GNA14: variants seen among roughly 807,000 people sequenced by gnomAD.
The protein encoded by GNA14 is G protein subunit alpha 14, also known as guanine nucleotide-binding protein subunit alpha-14.
Under a neutral mutation model 42.0 loss-of-function variants are expected in GNA14, and 50 were observed. The ratio of observed to expected loss-of-function variants is 1.19; its 90% CI spans 0.95 to 1.51. The LOEUF (loss-of-function observed/expected upper bound fraction) is 1.51. Among genes scored for constraint, GNA14 ranks in the 40% most tolerant of loss-of-function variants. The pLI is 0.00. For synonymous variants in GNA14, 173 were observed against 163.1 expected (o/e 1.06, Z -0.46); for missense variants, 473 against 446.2 (o/e 1.06, Z -0.54).
At chr9:77,629,562 A>G (rs1375343078) in intron 1 of GNA14, among the ~76,000 whole-genome samples, 1 of 152,216 alleles carries the variant, frequency 6.6e-6, no homozygotes, top group Non-Finnish European at 1.5e-5. Context: ...AAAAAGGATC[A>G]GTTTATGTCC....
chr9:77,528,655 G>A (rs1837478369), intron 2 of GNA14, among the ~76,000 whole-genome samples: 1 of 152,196 alleles, frequency 6.6e-6, no homozygotes. Flanking sequence ...AATTCTCTGA[G>A]TAGTCTGCAG....
At chr9:77,581,946 A>T (rs750825206) in intron 1 of GNA14, among the ~76,000 whole-genome samples, 1 of 152,220 alleles carries the variant, frequency 6.6e-6, no homozygotes, top group African/African-American at 2.4e-5. Flanking sequence ...GAAGCTTCCT[A>T]TTCTCAACTC....
chr9:77,643,761 A>T (rs957305294), intron 1 of GNA14, among the ~76,000 whole-genome samples: 4 of 152,194 alleles, frequency 2.6e-5, no homozygotes, highest in Non-Finnish European at 5.9e-5. Context: ...AAAGTAAAAC[A>T]TTTCTGTTAA....
intron 1 of GNA14, among the ~76,000 whole-genome samples, chr9:77,563,035 A>G (rs1822908226): frequency 6.6e-6 from 1 of 152,154 alleles, no homozygotes; most frequent in South Asian, 2.1e-4. Context: ...CAGCAACTTT[A>G]GAGTCTGTAT....
At chr9:77,435,915 C>A (rs977311864) in intron 2 of GNA14, among the ~76,000 whole-genome samples, 3 of 152,176 alleles carry the variant, frequency 2.0e-5, no homozygotes, top group South Asian at 2.1e-4. Flanking sequence ...CTGCATCCCA[C>A]AGCAGTTACA....
chr9:77,444,307 G>A (rs1248342736), intron 2 of GNA14, among the ~76,000 whole-genome samples: 2 of 152,156 alleles, frequency 1.3e-5, no homozygotes, highest in Non-Finnish European at 2.9e-5. Context: ...AACCTCACAG[G>A]TGCCCTCAGC....
chr9:77,646,432 G>T (rs1564074982), intron 1 of GNA14, among the ~76,000 whole-genome samples: 1 of 148,202 alleles, frequency 6.7e-6, no homozygotes, highest in East Asian at 1.9e-4. Context: ...GTGGGGAGGG[G>T]CACACCCCCC....
At chr9:77,624,593 T>A (rs904207559) in intron 1 of GNA14, among the ~76,000 whole-genome samples, 25 of 152,284 alleles carry the variant, frequency 1.6e-4, no homozygotes, top group African/African-American at 6.0e-4. Flanking sequence ...CAATCTTTGA[T>A]GTTCTGCCGC....
intron 2 of GNA14, chr9:77,526,758 G>C (rs7030947): frequency 2.6e-5 from 4 of 152,086 alleles, no homozygotes; most frequent in African/African-American, 9.6e-5. Flanking sequence ...TTCTGTCTTA[G>C]GCCATCCAAT....
chr9:77,605,831 AAATT>A (rs1225171248), intron 1 of GNA14, among the ~76,000 whole-genome samples: 2 of 152,246 alleles, frequency 1.3e-5, no homozygotes, highest in East Asian at 3.8e-4. Context: ...CCTCAGCTTG[AAATT>A]ATGAAGTTGA....
At chr9:77,467,467 G>T (rs1836256225) in intron 2 of GNA14, among the ~76,000 whole-genome samples, 1 of 150,662 alleles carries the variant, frequency 6.6e-6, no homozygotes, top group African/African-American at 2.4e-5. Flanking sequence ...TCTCAGGAAG[G>T]GTATTCTGGG....
At chr9:77,555,342 C>T (rs970674377) in intron 1 of GNA14, among the ~76,000 whole-genome samples, 7 of 152,020 alleles carry the variant, frequency 4.6e-5, no homozygotes, top group Admixed American at 6.5e-5. Context: ...TCGGTCTCTA[C>T]CAAAAGTACA....
chr9:77,526,872 G>A (rs1189389087), intron 2 of GNA14, among the ~76,000 whole-genome samples: 6 of 152,170 alleles, frequency 3.9e-5, no homozygotes, highest in Admixed American at 3.9e-4. Flanking sequence ...AGGAGACAGT[G>A]GTAGATGTCA....
intron 1 of GNA14, among the ~76,000 whole-genome samples, chr9:77,633,696 T>C (rs1824134609): frequency 6.6e-6 from 1 of 151,594 alleles, no homozygotes; most frequent in Non-Finnish European, 1.5e-5. Context: ...GGGGTAGATT[T>C]TGGTGAGCTG....
intron 2 of GNA14, among the ~76,000 whole-genome samples, chr9:77,519,716 C>T (rs1406844770): frequency 6.6e-6 from 1 of 152,036 alleles, no homozygotes; most frequent in Non-Finnish European, 1.5e-5. Flanking sequence ...GTGATGGTTA[C>T]ACTGAAAGCC....
At chr9:77,609,343 T>C (rs1823693064) in intron 1 of GNA14, among the ~76,000 whole-genome samples, 1 of 152,184 alleles carries the variant, frequency 6.6e-6, no homozygotes, top group Non-Finnish European at 1.5e-5. Context: ...TCTACCAGCA[T>C]TGCATTCATG....
intron 3 of GNA14, among the ~76,000 whole-genome samples, chr9:77,432,723 G>A (rs1835577623): frequency 6.6e-6 from 1 of 152,156 alleles, no homozygotes; most frequent in South Asian, 2.1e-4. Flanking sequence ...CCATGTCAGT[G>A]GCCTTGCCCC....
At chr9:77,643,237 G>C (rs1824296505) in intron 1 of GNA14, among the ~76,000 whole-genome samples, 1 of 148,218 alleles carries the variant, frequency 6.7e-6, no homozygotes, top group Non-Finnish European at 1.5e-5. Context: ...GGAAGGTGTT[G>C]TCATTTTTTT....
intron 2 of GNA14, among the ~76,000 whole-genome samples, chr9:77,447,127 T>C (rs1835832890): frequency 6.6e-6 from 1 of 151,916 alleles, no homozygotes; most frequent in Admixed American, 6.6e-5. Context: ...CCACGCCGAG[T>C]AGAGATGGGG....
Sources: allele counts gnomAD v4.1 joint callset (sites outside exome capture counted in the v4.1 genomes callset), GRCh38; gene constraint gnomAD v4.1.1; transcripts MANE v1.5; gene names NCBI Gene and HGNC (gene_info 2026-07-23, HGNC 2026-07-21).